The following CREB3L2 variants were observed in gnomAD, a reference collection of about 807,000 sequenced individuals.
CREB3L2 encodes cyclic AMP-responsive element-binding protein 3-like protein 2.
CREB3L2 carries 23 observed loss-of-function variants against 57.2 expected under a neutral mutation model. The observed-to-expected ratio is 0.40, with a 90% CI of 0.29 to 0.57. The LOEUF (loss-of-function observed/expected upper bound fraction) is 0.57. CREB3L2 is among the 20% of genes least tolerant of loss of function. CREB3L2 has a pLI of 0.42. For synonymous variants in CREB3L2, 268 were observed against 265.1 expected, an observed-to-expected ratio of 1.01 and a Z score of -0.11; for missense variants, 628 against 634.7, an observed-to-expected ratio of 0.99 and a Z score of 0.11.
intron 1 of CREB3L2, among the ~76,000 whole-genome samples, chr7:137,959,280 C>T (rs1008898856): frequency 6.6e-6 from 1 of 152,246 alleles, no homozygotes; most frequent in Non-Finnish European, 1.5e-5. Context: ...GTCTTTGGCA[C>T]TTCCAGTCTC....
chr7:137,924,918 CTT>C (rs933743176), intron 2 of CREB3L2, among the ~76,000 whole-genome samples: 4 of 152,090 alleles, frequency 2.6e-5, no homozygotes, highest in African/African-American at 9.7e-5. Context: ...TTATTTTTAA[CTT>C]TTTTTGGTCA....
At chr7:137,912,127 AG>A (rs1800021209) in intron 4 of CREB3L2, among the ~76,000 whole-genome samples, 1 of 152,206 alleles carries the variant, frequency 6.6e-6, no homozygotes, top group Non-Finnish European at 1.5e-5. Flanking sequence ...CTGTAATCCC[AG>A]GACTTCAGGA....
intron 1 of CREB3L2, among the ~76,000 whole-genome samples, chr7:137,955,557 C>T (rs1201307893): frequency 6.6e-6 from 1 of 152,148 alleles, no homozygotes; most frequent in Non-Finnish European, 1.5e-5. Flanking sequence ...CTGAAACAAA[C>T]ATAACTCAGA....
chr7:137,947,087 GCTCT>G (rs10677518), intron 1 of CREB3L2, among the ~76,000 whole-genome samples: 1 of 132,458 alleles, frequency 7.5e-6, no homozygotes, highest in Non-Finnish European at 1.6e-5. Flanking sequence ...AAGCCCTAGC[GCTCT>G]CTCTCTCTCT....
At chr7:137,955,265 G>A in intron 1 of CREB3L2, 2 of 1,288,986 alleles carry the variant, frequency 1.6e-6, no homozygotes. Context: ...AAAAGCACGT[G>A]TTCACAGACA....
intron 1 of CREB3L2, among the ~76,000 whole-genome samples, chr7:137,976,892 T>A (rs1801616494): frequency 6.6e-6 from 1 of 152,196 alleles, no homozygotes; most frequent in African/African-American, 2.4e-5. Context: ...TGGAACATCA[T>A]AAGCTATATA....
chr7:137,949,318 A>G (rs1801051489), intron 1 of CREB3L2, among the ~76,000 whole-genome samples: 1 of 152,238 alleles, frequency 6.6e-6, no homozygotes, highest in Non-Finnish European at 1.5e-5. Flanking sequence ...TTTAAAAAAG[A>G]ACATGTCAGA....
intron 1 of CREB3L2, among the ~76,000 whole-genome samples, chr7:137,983,187 T>C (rs1801738689): frequency 6.6e-6 from 1 of 152,218 alleles, no homozygotes; most frequent in South Asian, 2.1e-4. Context: ...TCTCCTTATT[T>C]CTGCCCCCTC....
intron 4 of CREB3L2, among the ~76,000 whole-genome samples, chr7:137,909,779 C>T (rs1799968809): frequency 1.3e-5 from 2 of 152,094 alleles, no homozygotes; most frequent in African/African-American, 4.8e-5. Flanking sequence ...TGGCTGTGTC[C>T]CCACCCAAAT....
intron 1 of CREB3L2, among the ~76,000 whole-genome samples, chr7:137,967,998 G>A (rs1003892302): frequency 6.6e-6 from 1 of 152,188 alleles, no homozygotes; most frequent in Non-Finnish European, 1.5e-5. Flanking sequence ...TCCCATTTGT[G>A]GTTGAAGCAC....
rs145874520 is a variant in CREB3L2, at chr7:137,895,941, A to G, written c.1043+5413T>C. ...CCAGCTGCCTCTGAAGAATGATAATATGAGAAGCATCAACAGGAACACACA... is the reference window on the plus strand; with the variant it reads ...CCAGCTGCCTCTGAAGAATGATAATGTGAGAAGCATCAACAGGAACACACA... On this transcript the variant is annotated intron_variant, in intron 8 of 11. Coordinates refer to ENST00000330387, the MANE Select transcript of CREB3L2 (RefSeq NM_194071.4). Among the ~76,000 whole-genome samples, 177 of 152,326 alleles carry G rather than the reference A, an allele frequency of 1.2e-3. 1 individual carries two copies. The East Asian group carries it at 0.029, about 25-fold the overall frequency.
In CREB3L2 at chr7:137,882,462, C is replaced by G. The variant is rs151002001; in HGVS notation, c.1437G>C (p.Ser479=). The change falls in exon 11 of 12, where the codon TCG becomes TCC. Residue 479 remains serine (S), a synonymous_variant. Coordinates refer to ENST00000330387, the MANE Select transcript of CREB3L2 (RefSeq NM_194071.4). The part of the protein sequence containing the change: ...PDVDLPHFII[S]NETSLEKSVL... ...CTGACTTCTCCAGGCTGGTCTCATTCGAGATAATGAAATGGGGAAGATCCA... is the reference window on the plus strand; with the variant it reads ...CTGACTTCTCCAGGCTGGTCTCATTGGAGATAATGAAATGGGGAAGATCCA... The G allele has an allele frequency of 6.2e-7, 1 of 1,613,994 alleles. No individual in the cohort carries two copies. The highest frequency in any genetic ancestry group is 8.5e-7 in the Non-Finnish European group (1 of 1,179,918).
intron 1 of CREB3L2, among the ~76,000 whole-genome samples, chr7:137,945,126 C>G (rs765882663): frequency 2.0e-5 from 3 of 152,202 alleles, no homozygotes; most frequent in Non-Finnish European, 2.9e-5. Context: ...AGCTTCTGAC[C>G]TCAGGTAATC....
intron 1 of CREB3L2, among the ~76,000 whole-genome samples, chr7:137,989,696 C>T (rs966484005): frequency 6.6e-6 from 1 of 152,120 alleles, no homozygotes; most frequent in Admixed American, 6.5e-5. Context: ...CTTTACGTGT[C>T]GCTCCTGTGA....
intron 1 of CREB3L2, among the ~76,000 whole-genome samples, chr7:137,947,928 G>GACCTGT (rs1563262711): frequency 5.3e-5 from 8 of 152,046 alleles, no homozygotes; most frequent in African/African-American, 1.4e-4. Context: ...GGCCTCCTCC[G>GACCTGT]GCCCGACCTT....
intron 1 of CREB3L2, among the ~76,000 whole-genome samples, chr7:137,965,911 A>C (rs1159946023): frequency 2.0e-5 from 3 of 152,208 alleles, no homozygotes; most frequent in African/African-American, 7.2e-5. Context: ...AATCACCTGG[A>C]GAGTTTATTA....
intron 1 of CREB3L2, among the ~76,000 whole-genome samples, chr7:137,986,972 C>T (rs1414353984): frequency 6.6e-6 from 1 of 152,240 alleles, no homozygotes; most frequent in Non-Finnish European, 1.5e-5. Context: ...GGTAACATCA[C>T]AGCTGTGCTG....
At chr7:137,963,930 A>G (rs1156482953) in intron 1 of CREB3L2, among the ~76,000 whole-genome samples, 1 of 152,242 alleles carries the variant, frequency 6.6e-6, no homozygotes, top group Non-Finnish European at 1.5e-5. Context: ...ACAAATGATG[A>G]CAACACCAAA....
At position 137,980,373 on chromosome 7, in the gene CREB3L2, G is replaced by A. The variant is rs1272428483; in HGVS notation, c.102+21231C>T. Among the ~76,000 whole-genome samples, 1 of 152,236 alleles carries A rather than the reference G, an allele frequency of 6.6e-6. No homozygotes were observed. Among genetic ancestry groups the A allele is most frequent in the South Asian group, 2.1e-4 (1 of 4,832 alleles). On this transcript the variant is annotated intron_variant, in intron 1 of 11. Transcript: ENST00000330387. This position sits in a 1 kb window ranked among gnomAD's most constrained non-coding sequence, Gnocchi z 4.3. ...AGACTGAGACTCTTTGCTCTAGACC[G>A]TGGGGATGGGCAGAGCAGGAGCTTC...
Sources: allele counts gnomAD v4.1 joint callset (sites outside exome capture counted in the v4.1 genomes callset), GRCh38; gene constraint gnomAD v4.1.1; non-coding constraint Gnocchi (gnomAD v3.1); transcripts MANE v1.5; gene names NCBI Gene and HGNC (gene_info 2026-07-23, HGNC 2026-07-21).